WWOX: variants seen among roughly 807,000 people sequenced by gnomAD.
WWOX encodes WW domain containing oxidoreductase.
Under a neutral mutation model 46.2 loss-of-function variants are expected in WWOX, and 69 were observed. The observed-to-expected ratio is 1.49, with a 90% CI of 1.23 to 1.82. The LOEUF (loss-of-function observed/expected upper bound fraction) is 1.82. Among genes scored for constraint, WWOX ranks in the 40% most tolerant of loss-of-function variants. The pLI, the probability that WWOX is intolerant of heterozygous loss-of-function variation, is 0.00. For missense variants in WWOX, 919 were observed against 542.6 expected (o/e 1.69, Z -6.89); for synonymous variants, 359 against 202.6 (o/e 1.77, Z -6.56).
intron 8 of WWOX, among the ~76,000 whole-genome samples, chr16:79,083,607 A>C (rs771844209): frequency 2.6e-5 from 4 of 152,216 alleles, no homozygotes; most frequent in Non-Finnish European, 5.9e-5. Context: ...TCCAAAATGC[A>C]TTACAGGCTC....
chr16:78,960,853 T>G (rs562927527), intron 8 of WWOX, among the ~76,000 whole-genome samples: 1 of 152,230 alleles, frequency 6.6e-6, no homozygotes, highest in African/African-American at 2.4e-5. Flanking sequence ...GTTGCTTTAT[T>G]TACTGTATAC....
At chr16:79,113,277 G>C (rs954503221) in intron 8 of WWOX, among the ~76,000 whole-genome samples, 3 of 152,184 alleles carry the variant, frequency 2.0e-5, no homozygotes, top group Admixed American at 2.0e-4. Flanking sequence ...AGGTACTGCT[G>C]TGGATGACGG....
chr16:78,659,335 C>T (rs749899063), intron 8 of WWOX, among the ~76,000 whole-genome samples: 13 of 152,002 alleles, frequency 8.6e-5, no homozygotes, highest in Non-Finnish European at 1.6e-4. Context: ...ACCATCGCGC[C>T]TGGGGTTCTC....
chr16:79,138,308 G>T (rs2050022554), intron 8 of WWOX, among the ~76,000 whole-genome samples: 1 of 152,184 alleles, frequency 6.6e-6, no homozygotes, highest in Admixed American at 6.5e-5. Context: ...TTTGTGTGGA[G>T]AGGATGGCGG....
chr16:78,429,446 A>G (rs142904604), intron 7 of WWOX, among the ~76,000 whole-genome samples: 48 of 152,280 alleles, frequency 3.2e-4, no homozygotes, highest in African/African-American at 1.0e-3. Context: ...GGAAGAGTTC[A>G]TTATGGAGAG....
At position 78,132,712 on chromosome 16, in the gene WWOX, G is replaced by C. The variant is rs546572862; in HGVS notation, c.409+17558G>C. On this transcript the variant is annotated intron_variant, in intron 4 of 8. Transcript: ENST00000566780. Reference sequence around the variant, plus strand: ...TACAGTTCTGGCTGGGTTTCTTTTAGTTGGCTTCTTTGCTTTGCTCCTGTT... The same window carrying C: ...TACAGTTCTGGCTGGGTTTCTTTTACTTGGCTTCTTTGCTTTGCTCCTGTT... Among the ~76,000 whole-genome samples, 24 of 152,258 alleles carry C rather than the reference G, an allele frequency of 1.6e-4. No individual in the cohort carries two copies. In the South Asian group the frequency reaches 3.3e-3, roughly 21 times the overall value.
At chr16:78,426,239 A>G (rs1164109752) in intron 7 of WWOX, among the ~76,000 whole-genome samples, 1 of 152,166 alleles carries the variant, frequency 6.6e-6, no homozygotes, top group Non-Finnish European at 1.5e-5. Flanking sequence ...GGCCCTGTTA[A>G]GGGGCGAGGG....
intron 8 of WWOX, among the ~76,000 whole-genome samples, chr16:78,562,486 G>C (rs955401413): frequency 6.6e-6 from 1 of 152,174 alleles, no homozygotes; most frequent in Non-Finnish European, 1.5e-5. Context: ...TAACCTCCCA[G>C]GTTCATGGAG....
intron 8 of WWOX, among the ~76,000 whole-genome samples, chr16:78,889,008 C>A (rs537278985): frequency 6.6e-6 from 1 of 152,036 alleles, no homozygotes; most frequent in Non-Finnish European, 1.5e-5. Context: ...CTCCAGCTCC[C>A]CCTAGAAACT....
At chr16:78,896,191 C>G (rs1195500749) in intron 8 of WWOX, 1 of 149,884 alleles carries the variant, frequency 6.7e-6, no homozygotes. Context: ...ATGTTTTAAA[C>G]ATAATTATAT....
At chr16:78,431,308 T>C (rs1001791266) in intron 7 of WWOX, among the ~76,000 whole-genome samples, 9 of 152,206 alleles carry the variant, frequency 5.9e-5, no homozygotes, top group African/African-American at 1.9e-4. Flanking sequence ...CATTTTTCTT[T>C]TAAACGTATA....
intron 8 of WWOX, among the ~76,000 whole-genome samples, chr16:79,178,433 T>C (rs1285093393): frequency 1.3e-5 from 2 of 152,060 alleles, no homozygotes; most frequent in Non-Finnish European, 2.9e-5. Context: ...CTTCTTGCCT[T>C]AGCCACCCGA....
intron 8 of WWOX, among the ~76,000 whole-genome samples, chr16:78,858,664 T>C (rs1315425692): frequency 6.6e-6 from 1 of 152,000 alleles, no homozygotes; most frequent in Non-Finnish European, 1.5e-5. Flanking sequence ...CATGTTTGAA[T>C]TGTGTTCCAT....
At chr16:78,216,404 G>A (rs72806834) in intron 5 of WWOX, among the ~76,000 whole-genome samples, 2,189 of 152,250 alleles carry the variant, frequency 0.014, 27 homozygotes, top group Non-Finnish European at 0.024. Flanking sequence ...CACCAGTGTA[G>A]CACCTAAACA....
At chr16:78,367,590 A>G (rs2081568078) in intron 5 of WWOX, among the ~76,000 whole-genome samples, 1 of 152,154 alleles carries the variant, frequency 6.6e-6, no homozygotes, top group South Asian at 2.1e-4. Context: ...ACATTTTTGT[A>G]AGTAAAGTAT....
intron 8 of WWOX, among the ~76,000 whole-genome samples, chr16:79,071,001 T>C (rs141718929): frequency 4.8e-4 from 73 of 152,320 alleles, no homozygotes; most frequent in East Asian, 2.1e-3. Context: ...ACTCAGAATG[T>C]AGGGAGTGTA....
intron 5 of WWOX, among the ~76,000 whole-genome samples, chr16:78,186,713 C>T (rs1480160770): frequency 1.3e-5 from 2 of 152,150 alleles, no homozygotes; most frequent in African/African-American, 2.4e-5. Flanking sequence ...TGCAGTGAGC[C>T]AAGATCGTGC....
chr16:78,759,856 T>C (rs1260550988), intron 8 of WWOX, among the ~76,000 whole-genome samples: 1 of 152,120 alleles, frequency 6.6e-6, no homozygotes, highest in Non-Finnish European at 1.5e-5. Flanking sequence ...GAGAGTCCAT[T>C]CCTTTCATCT....
At chr16:78,144,436 TATATATATATAC>T (rs2034098153) in intron 4 of WWOX, among the ~76,000 whole-genome samples, 1 of 16,298 alleles carries the variant, frequency 6.1e-5, no homozygotes, top group Non-Finnish European at 9.7e-5. Flanking sequence ...TTACTATATA[TATATATATATAC>T]ACATATATAT....
Sources: gnomAD v4.1 joint callset for allele counts (sites outside exome capture counted in the v4.1 genomes callset) on GRCh38, gnomAD v4.1.1 for gene constraint, MANE v1.5 for transcripts, NCBI Gene and HGNC (gene_info 2026-07-23, HGNC 2026-07-21) for gene names.